Variants in RIF1 observed in about 807,000 individuals in gnomAD.
RIF1 encodes the protein replication timing regulatory factor 1.
Under a neutral mutation model 247.1 loss-of-function variants are expected in RIF1, and 45 were observed. That is an observed-to-expected ratio of 0.18 (90% CI 0.14 to 0.23). The LOEUF (loss-of-function observed/expected upper bound fraction) is 0.23, where lower values mean the gene tolerates loss of function less well. Ranked by LOEUF, RIF1 falls within the 10% of genes least tolerant of loss-of-function variation. The pLI is 1.00. For synonymous variants in RIF1, 1,087 were observed against 978.8 expected, an observed-to-expected ratio of 1.11 and a Z score of -2.06; for missense variants, 2,967 against 2,862.5, an observed-to-expected ratio of 1.04 and a Z score of -0.83.
rs1380576540 is a variant in RIF1, at chr2:151,424,854, TTTC to T, written c.786+1813_786+1815del. 3.0e-3 allele frequency among the ~76,000 whole-genome samples: 362 copies of T among 119,844 alleles called. 1 individual carries two copies. Among genetic ancestry groups the T allele is most frequent in the East Asian group, 5.1e-3 (13 of 2,574 alleles). 78.6% of individuals were successfully genotyped at this position (119,844 alleles called of 152,430 possible). A position where few individuals can be genotyped will look rare whatever the true frequency, so the allele number is the denominator to read the frequency against. ...TTTTTTTTTTTTTTTTTTTTTTTTT[TTTC>T]CATATTTTTTGTAGAGACTGGGTTT... On this transcript the variant is annotated intron_variant, in intron 8 of 35. Transcript: ENST00000444746.
intron 11 of RIF1, among the ~76,000 whole-genome samples, chr2:151,436,534 C>CT (rs1185781898): frequency 7.2e-6 from 1 of 139,460 alleles, no homozygotes; most frequent in African/African-American, 2.7e-5. Context: ...CAATGAGACT[C>CT]TGTCTCAAAA....
chr2:151,512,499 G>A (rs1380350595), downstream of RIF1, among the ~76,000 whole-genome samples: 1 of 151,688 alleles, frequency 6.6e-6, no homozygotes, highest in South Asian at 2.1e-4. Flanking sequence ...ATTTTTGTAG[G>A]GACAGGGTTT....
chr2:151,526,915 T>TAGGA, the RIF1 span: 1 of 1,575,092 alleles, frequency 6.3e-7, no homozygotes, highest in Non-Finnish European at 8.7e-7. Flanking sequence ...ACTAGGTACT[T>TAGGA]ACATCACTTT....
At chr2:151,494,108 CT>C in intron 9 of RIF1, 1 of 1,450,584 alleles carries the variant, frequency 6.9e-7, no homozygotes. Flanking sequence ...GCAGGCCAAA[CT>C]GCAAGAGTTA....
At chr2:151,470,179 C>T (rs1205914747) in intron 34 of RIF1, among the ~76,000 whole-genome samples, 1 of 151,352 alleles carries the variant, frequency 6.6e-6, no homozygotes, top group East Asian at 1.9e-4. Context: ...GTTTGGATGC[C>T]TACCACATTT....
At position 151,506,995 on chromosome 2, in the gene RIF1, G is replaced by T. The variant is rs779114883; in HGVS notation, c.*1027+620G>T. On this transcript the variant is annotated intron_variant and NMD_transcript_variant, in intron 13 of 13. Coordinates refer to the RIF1 transcript ENST00000454583. ...GTAATTTTTCCTTTACTGTTTTTAA[G>T]GTCACACTGGTATTGGAGCTATGAA... The T allele has an allele frequency of 3.1e-6, 5 of 1,599,154 alleles. No homozygotes were observed. In the Admixed American group the frequency reaches 8.3e-5, roughly 27 times the overall value.
In RIF1 at chr2:151,497,316, C is replaced by CAT. The variant is rs2060892721; in HGVS notation, c.*513+1990_*513+1991insAT. On this transcript the variant is annotated intron_variant and NMD_transcript_variant, in intron 10 of 13. Transcript: ENST00000454583. ...TTCCTTTTTTGTGAGTACCATGCCT[C>CAT]CTAAACAATTATATGAGGATTTGAG... 8.2e-6 allele frequency: 8 copies of CAT among 978,702 alleles called. No individual in the cohort carries two copies. In the South Asian group the frequency reaches 3.3e-4, roughly 41 times the overall value. 60.6% of individuals were successfully genotyped at this position (978,702 alleles called of 1,614,324 possible).
rs1199925841 is a variant in RIF1 at position 151,440,063 on chromosome 2, C to T, written c.1583C>T (p.Thr528Ile). 3 of 1,576,362 alleles carry T rather than the reference C, an allele frequency of 1.9e-6. No individual in the cohort carries two copies. The highest frequency in any genetic ancestry group is 2.6e-6 in the Non-Finnish European group (3 of 1,158,298). The part of the protein sequence containing the change: ...KKEKPGSEVL[T>I]LLLKSLESIV... ...GAGAAACCAGGTTCTGAAGTTTTGA[C>T]TCTCTTATTAAAGTCTTTGGAAAGC... Residue 528 changes from threonine to isoleucine, a missense_variant, in exon 15 of 36, where the codon ACT becomes ATT. Physicochemically the swap from Thr to Ile is moderately conservative, Grantham distance 89. Around this residue, in one of 7 missense-constraint regions of RIF1, gnomAD observed 369 missense variants for 322.0 expected, o/e 1.15. Coordinates refer to ENST00000444746, the MANE Select transcript of RIF1 (RefSeq NM_018151.5).
intron 9 of RIF1, among the ~76,000 whole-genome samples, chr2:151,431,115 T>C (rs905259243): frequency 2.0e-5 from 3 of 152,218 alleles, no homozygotes; most frequent in Non-Finnish European, 4.4e-5. Context: ...GATAGTAAGT[T>C]AAAAATAAGT....
intron 21 of RIF1, among the ~76,000 whole-genome samples, chr2:151,453,412 A>G (rs1694659622): frequency 6.6e-6 from 1 of 151,972 alleles, no homozygotes; most frequent in African/African-American, 2.4e-5. Context: ...ACCTGTCTCT[A>G]CTAAAAATAC....
chr2:151,447,069 G>A (rs970251531), intron 20 of RIF1, among the ~76,000 whole-genome samples: 3 of 150,016 alleles, frequency 2.0e-5, no homozygotes, highest in Non-Finnish European at 3.0e-5. Flanking sequence ...TCAGCCTCCC[G>A]AGTAGCTGGG....
chr2:151,418,436 C>T (rs1172440151), intron 6 of RIF1, among the ~76,000 whole-genome samples: 1 of 151,202 alleles, frequency 6.6e-6, no homozygotes, highest in Non-Finnish European at 1.5e-5. Context: ...AACTCCTGAC[C>T]TCAGGTGGTG....
At chr2:151,513,314 C>T in the RIF1 span, among the ~76,000 whole-genome samples, 165 of 152,136 alleles carry the variant, frequency 1.1e-3, no homozygotes, top group Non-Finnish European at 2.0e-3. Context: ...GAGTTTGCCC[C>T]AGCTCCAAAC....
intron 20 of RIF1, among the ~76,000 whole-genome samples, chr2:151,450,916 G>A (rs1013458970): frequency 6.6e-6 from 1 of 152,116 alleles, no homozygotes; most frequent in Non-Finnish European, 1.5e-5. Context: ...TTTCCACTGG[G>A]TTTAGTGAAA....
chr2:151,429,159 A>G (rs1331197907), intron 9 of RIF1, among the ~76,000 whole-genome samples: 5 of 152,222 alleles, frequency 3.3e-5, no homozygotes, highest in Admixed American at 6.5e-5. Flanking sequence ...AAAGTGAAAA[A>G]TAATGATTTG....
At position 151,436,850 on chromosome 2, in the gene RIF1, CCGGGAACTCCCCGAATGAACCTGA is replaced by C; in HGVS notation, c.1220_1243del (p.Pro407_Ser415delinsArg). On this transcript the variant is annotated inframe_deletion, in exon 12 of 36. Transcript: ENST00000444746. ...AGGTGCTTCCTCCCCGTACGGAGCC[CCGGGAACTCCCCGAATGAACCTGA>C]GTTCGAATTTAGGTGGAATGGCCAC... 1.9e-6 allele frequency: 3 copies of C among 1,609,792 alleles called. No homozygotes were observed. Among genetic ancestry groups the C allele is most frequent in the Non-Finnish European group, 2.5e-6 (3 of 1,178,122 alleles).
At position 151,480,822 on chromosome 2, in the gene RIF1, G is replaced by A. The variant is rs551010546; in HGVS notation, c.*5751G>A. 27 of 152,278 alleles carry A rather than the reference G, an allele frequency of 1.8e-4. No homozygotes were observed. Among genetic ancestry groups the A allele is most frequent in the African/African-American group, 6.5e-4 (27 of 41,568 alleles). 9.4% of individuals were successfully genotyped at this position (152,278 alleles called of 1,614,324 possible). A position where few individuals can be genotyped will look rare whatever the true frequency, so the allele number is the denominator to read the frequency against. On this transcript the variant is annotated 3_prime_UTR_variant, in exon 36 of 36. Transcript: ENST00000444746. Reference sequence around the variant, plus strand: ...AAGAAAACAATTAAGAGCAAAATTGGTTTTGAGTATAGAAACTGAAGGATG... The same window carrying A: ...AAGAAAACAATTAAGAGCAAAATTGATTTTGAGTATAGAAACTGAAGGATG...
At chr2:151,482,724 C>T (rs1428879259), downstream of RIF1, among the ~76,000 whole-genome samples, 1 of 152,176 alleles carries the variant, frequency 6.6e-6, no homozygotes, top group Non-Finnish European at 1.5e-5. Flanking sequence ...GTATTAGTTT[C>T]CTAGGGCTGC....
At position 151,462,953 on chromosome 2, in the gene RIF1, C is replaced by A. The variant is rs544384706; in HGVS notation, c.3433C>A (p.Leu1145Ile). 1 of 1,613,974 alleles carries A rather than the reference C, an allele frequency of 6.2e-7. No homozygotes were observed. The highest frequency in any genetic ancestry group is 1.1e-5 in the South Asian group (1 of 91,054). ...GGAAGACTGTGGTATGGCTGAACAT[C>A]TTGAAAAGTCCTCCCTTTCGAATAA... ...VTEDCGMAEH[L>I]EKSSLSNNEC... Residue 1145 changes from leucine to isoleucine, a missense_variant, in exon 30 of 36, where the codon CTT (leucine) becomes ATT (isoleucine). Transcript: ENST00000444746.
Sources: allele counts gnomAD v4.1 joint callset (sites outside exome capture counted in the v4.1 genomes callset), GRCh38; gene constraint gnomAD v4.1.1; regional missense constraint gnomAD v4.1.1; transcripts MANE v1.5; gene names NCBI Gene and HGNC (gene_info 2026-07-23, HGNC 2026-07-21).